NFIA: variants seen among roughly 807,000 people sequenced by gnomAD.
NFIA encodes the protein nuclear factor I A, also known as nuclear factor 1 A-type.
A neutral mutation model predicts 62.8 loss-of-function variants in NFIA; 8 were observed. The ratio of observed to expected loss-of-function variants is 0.13; its 90% CI spans 0.07 to 0.23. The LOEUF (loss-of-function observed/expected upper bound fraction) is 0.23. Ranked by LOEUF, NFIA falls within the 10% of genes least tolerant of loss-of-function variation. NFIA has a pLI of 1.00. For missense variants in NFIA, 410 were observed against 642.1 expected, an observed-to-expected ratio of 0.64 and a Z score of 3.91; for synonymous variants, 235 against 238.1, an observed-to-expected ratio of 0.99 and a Z score of 0.12.
intron 6 of NFIA, among the ~76,000 whole-genome samples, chr1:61,367,312 C>T (rs1343947766): frequency 6.6e-6 from 1 of 152,192 alleles, no homozygotes; most frequent in Admixed American, 6.5e-5. Context: ...CGACTGGTAA[C>T]AATAGTGCTT....
At chr1:61,348,718 C>CCT (rs1662380613) in intron 4 of NFIA, among the ~76,000 whole-genome samples, 1 of 152,158 alleles carries the variant, frequency 6.6e-6, no homozygotes, top group African/African-American at 2.4e-5. Context: ...TTAAGTGCAG[C>CCT]TGGATGTTCA....
intron 10 of NFIA, among the ~76,000 whole-genome samples, chr1:61,437,334 G>A (rs1325859095): frequency 6.6e-6 from 1 of 152,054 alleles, no homozygotes; most frequent in Non-Finnish European, 1.5e-5. Flanking sequence ...GTCTAATAAG[G>A]GAACTGACCA....
At chr1:61,328,682 G>A (rs1009676431) in intron 3 of NFIA, among the ~76,000 whole-genome samples, 7 of 150,394 alleles carry the variant, frequency 4.7e-5, no homozygotes, top group South Asian at 2.1e-4. Context: ...GCCTCCCAAA[G>A]TGCTGGGATT....
chr1:61,097,343 T>TA (rs1646434202), intron 2 of NFIA, among the ~76,000 whole-genome samples: 3 of 152,254 alleles, frequency 2.0e-5, no homozygotes, highest in South Asian at 4.2e-4. Context: ...CTCTACAGGT[T>TA]AAAAAAAGTG....
chr1:61,087,725 C>T (rs1210853424), intron 1 of NFIA, among the ~76,000 whole-genome samples: 2 of 152,094 alleles, frequency 1.3e-5, no homozygotes, highest in Non-Finnish European at 2.9e-5. Flanking sequence ...GCCAATCTGG[C>T]GGCTGGGCCC....
At chr1:61,103,138 A>C (rs760561862) in intron 2 of NFIA, among the ~76,000 whole-genome samples, 3 of 152,240 alleles carry the variant, frequency 2.0e-5, no homozygotes, top group Non-Finnish European at 4.4e-5. Flanking sequence ...GAACACAACG[A>C]ACCTTGAAAC....
chr1:61,445,104 C>T (rs929927176), intron 10 of NFIA, among the ~76,000 whole-genome samples: 1 of 152,230 alleles, frequency 6.6e-6, no homozygotes, highest in African/African-American at 2.4e-5. Context: ...CTTGCGAGAT[C>T]TCCATCTCAG....
intron 4 of NFIA, among the ~76,000 whole-genome samples, chr1:61,336,705 C>G (rs188045137): frequency 2.6e-5 from 4 of 152,188 alleles, no homozygotes; most frequent in Non-Finnish European, 5.9e-5. Flanking sequence ...TCTTTTTACT[C>G]TCTCCATAGT....
chr1:61,291,284 C>T (rs541919978), intron 3 of NFIA, among the ~76,000 whole-genome samples: 1 of 152,010 alleles, frequency 6.6e-6, no homozygotes. Context: ...ATAGTGAGGC[C>T]GATGTGGAAA....
chr1:61,096,153 A>T (rs571746214), intron 2 of NFIA, among the ~76,000 whole-genome samples: 48 of 152,332 alleles, frequency 3.2e-4, no homozygotes, highest in Admixed American at 8.5e-4. Flanking sequence ...TAGGAAAAAA[A>T]TTGAAGATGG....
At chr1:61,210,681 A>G (rs1653193249) in intron 2 of NFIA, among the ~76,000 whole-genome samples, 1 of 152,222 alleles carries the variant, frequency 6.6e-6, no homozygotes. Flanking sequence ...TGGATATGAC[A>G]TTGGGAAGTG....
At chr1:61,337,720 C>G (rs927827982) in intron 4 of NFIA, among the ~76,000 whole-genome samples, 1 of 152,188 alleles carries the variant, frequency 6.6e-6, no homozygotes, top group African/African-American at 2.4e-5. Flanking sequence ...TTAGATTGGT[C>G]TCTTTCCCTT....
chr1:61,194,052 T>G (rs1651828022), intron 2 of NFIA, among the ~76,000 whole-genome samples: 1 of 152,216 alleles, frequency 6.6e-6, no homozygotes, highest in Non-Finnish European at 1.5e-5. Context: ...TGGTTAAGAT[T>G]AACAAGATTG....
chr1:61,453,443 C>CTTTTTTTTTT (rs11336299), intron 10 of NFIA, among the ~76,000 whole-genome samples: 3 of 78,868 alleles, frequency 3.8e-5, no homozygotes, highest in African/African-American at 5.1e-5. Context: ...TGTGAAGAAA[C>CTTTTTTTTTT]TTTTTTTTTT....
chr1:61,087,673 G>T (rs1228931793), intron 1 of NFIA, among the ~76,000 whole-genome samples: 3 of 152,122 alleles, frequency 2.0e-5, no homozygotes, highest in African/African-American at 4.8e-5. Context: ...TTTGCTCCTA[G>T]ACTTCCATAA....
At chr1:61,136,068 G>A (rs938782860) in intron 2 of NFIA, among the ~76,000 whole-genome samples, 1 of 152,132 alleles carries the variant, frequency 6.6e-6, no homozygotes, top group Non-Finnish European at 1.5e-5. Flanking sequence ...CATGTAATAT[G>A]TCTGCATTTG....
chr1:61,397,493 A>C (rs1269415745), intron 7 of NFIA, among the ~76,000 whole-genome samples: 1 of 152,180 alleles, frequency 6.6e-6, no homozygotes, highest in African/African-American at 2.4e-5. Flanking sequence ...AGGTCCTAGC[A>C]CACAGGAGCA....
At chr1:61,361,336 A>G (rs1392421014) in intron 6 of NFIA, among the ~76,000 whole-genome samples, 1 of 152,298 alleles carries the variant, frequency 6.6e-6, no homozygotes, top group South Asian at 2.1e-4. Flanking sequence ...GTGCCAATGA[A>G]AAGTTTATGT....
intron 2 of NFIA, among the ~76,000 whole-genome samples, chr1:61,274,098 A>G (rs888385084): frequency 6.6e-5 from 10 of 152,106 alleles, no homozygotes; most frequent in African/African-American, 2.4e-4. Context: ...AGGCATCAGG[A>G]TTTATTTTAT....
Sources: gnomAD v4.1 joint callset for allele counts (sites outside exome capture counted in the v4.1 genomes callset) on GRCh38, gnomAD v4.1.1 for gene constraint, MANE v1.5 for transcripts, NCBI Gene and HGNC (gene_info 2026-07-23, HGNC 2026-07-21) for gene names.